GLYR1: variants seen among roughly 807,000 people sequenced by gnomAD.
GLYR1 encodes cytokine-like nuclear factor N-PAC.
A neutral mutation model predicts 72.7 loss-of-function variants in GLYR1; 21 were observed. The ratio of observed to expected loss-of-function variants is 0.29; its 90% CI spans 0.20 to 0.42. The LOEUF is 0.42. Ranked by LOEUF, GLYR1 falls within the 10% of genes least tolerant of loss-of-function variation. GLYR1 has a pLI of 1.00. For synonymous variants in GLYR1, 392 were observed against 270.2 expected (o/e 1.45, Z -4.42); for missense variants, 594 against 712.1 (o/e 0.83, Z 1.89).
At chr16:4,816,813 C>G (rs2083667330) in intron 10 of GLYR1, among the ~76,000 whole-genome samples, 1 of 152,064 alleles carries the variant, frequency 6.6e-6, no homozygotes, top group East Asian at 2.0e-4. Context: ...TGGTGAAACC[C>G]CTTCTCTACT....
chr16:4,826,507 C>A (rs939803652), intron 5 of GLYR1, among the ~76,000 whole-genome samples: 3 of 152,196 alleles, frequency 2.0e-5, no homozygotes, highest in African/African-American at 4.8e-5. Context: ...TGCTGCCATA[C>A]AGTCCAGGTT....
At chr16:4,810,699 TAAAAAAAAAAA>T (rs551202037) in intron 15 of GLYR1, among the ~76,000 whole-genome samples, 6 of 21,814 alleles carry the variant, frequency 2.8e-4, no homozygotes, top group Non-Finnish European at 3.7e-4. Flanking sequence ...CTGTCTCTAC[TAAAAAAAAAAA>T]AAAAAAAAAA....
At chr16:4,844,533 G>A (rs1356561905) in intron 3 of GLYR1, among the ~76,000 whole-genome samples, 2 of 152,246 alleles carry the variant, frequency 1.3e-5, no homozygotes, top group Non-Finnish European at 1.5e-5. Flanking sequence ...CACTTTGGGA[G>A]GCCAAGGCAG....
intron 5 of GLYR1, 146 bp from the exon 6 acceptor site, chr16:4,824,053 C>T (rs1447572040): frequency 1.7e-6 from 1 of 598,542 alleles, no homozygotes; most frequent in African/African-American, 1.9e-5. Flanking sequence ...GCCAGTTCTT[C>T]CCATTAACAC....
chr16:4,813,678 C>T (rs992591533), intron 12 of GLYR1, 59 bp downstream of exon 12: 16 of 1,420,006 alleles, frequency 1.1e-5, no homozygotes, highest in Non-Finnish European at 1.4e-5. Flanking sequence ...TCTTGTAAGC[C>T]TGGGTCTTGG....
At chr16:4,820,653 G>A (rs1006274632) in intron 9 of GLYR1, among the ~76,000 whole-genome samples, 2 of 152,228 alleles carry the variant, frequency 1.3e-5, no homozygotes, top group African/African-American at 4.8e-5. Context: ...AAGATGCACT[G>A]TTTTTAGTCT....
chr16:4,846,966 G>GTATC, intron 1 of GLYR1: 1 of 509,666 alleles, frequency 2.0e-6, no homozygotes, highest in Admixed American at 4.0e-5. Context: ...GGGGCCGCCA[G>GTATC]TATCTGGGCC....
In GLYR1 at chr16:4,805,154, T is replaced by C; in HGVS notation, c.*82A>G. The C allele has an allele frequency of 3.4e-6, 4 of 1,162,156 alleles. No individual in the cohort carries two copies. In the South Asian group the frequency reaches 3.8e-5, roughly 11 times the overall value. The allele number at this position is 1,162,156 out of a possible 1,614,324, so 72.0% of individuals were successfully genotyped here. A position where few individuals can be genotyped will look rare whatever the true frequency, so the allele number is the denominator to read the frequency against. On this transcript the variant is annotated 3_prime_UTR_variant, in exon 16 of 16. Coordinates refer to ENST00000321919, the MANE Select transcript of GLYR1 (RefSeq NM_032569.4). ...TGGAGATAGGTGGGCTGGTCCAGAA[T>C]GAACTCCCAGGCCCCCGACCCCATG...
At chr16:4,842,005 GC>G (rs2085588853) in intron 3 of GLYR1, among the ~76,000 whole-genome samples, 1 of 152,144 alleles carries the variant, frequency 6.6e-6, no homozygotes, top group Non-Finnish European at 1.5e-5. Context: ...ACTTTGGGAG[GC>G]CGAGGCGGGC....
intron 4 of GLYR1, 72 bp downstream of exon 4, chr16:4,832,702 A>C (rs1410833893): frequency 1.2e-5 from 18 of 1,492,320 alleles, no homozygotes; most frequent in Non-Finnish European, 1.5e-5. Flanking sequence ...TTTGGGTGAC[A>C]TTTAATCTGT....
chr16:4,814,631 T>G lies in GLYR1; in HGVS notation c.923A>C (p.Gln308Pro). ...GGTTCTTCCCAGACGGGCCCCCTCC[T>G]GGATGAACAAATCACACTGCAAAAG... ...RTAEKCDLFI[Q>P]EGARLGRTPA... Residue 308 changes from glutamine (Q) to proline (P), a missense_variant, in exon 11 of 16, where the codon CAG becomes CCG. Gln to Pro is a moderately conservative substitution (Grantham distance 76). Transcript: ENST00000321919. 1 of 1,613,874 alleles carries G rather than the reference T, an allele frequency of 6.2e-7. No homozygotes were observed. Among genetic ancestry groups the G allele is most frequent in the Non-Finnish European group, 8.5e-7 (1 of 1,179,772 alleles).
chr16:4,825,236 A>G (rs1258719737), intron 5 of GLYR1, among the ~76,000 whole-genome samples: 1 of 152,094 alleles, frequency 6.6e-6, no homozygotes, highest in African/African-American at 2.4e-5. Context: ...GTCTACAGGG[A>G]GGGTCTTGCA....
rs538466642 is a variant in GLYR1 at position 4,805,045 on chromosome 16, T to C, written c.*191A>G. ...TCCCACACGCCAATCCTGCTGACAC[T>C]TGTCCCCTCCCCACCGGCCTCAGGG... On this transcript the variant is annotated 3_prime_UTR_variant, in exon 16 of 16. Transcript: ENST00000321919. 6.7e-4 allele frequency: 406 copies of C among 604,774 alleles called. 3 individuals carry two copies. In the African/African-American group the frequency reaches 6.7e-3, roughly 10 times the overall value. 37.5% of individuals were successfully genotyped at this position (604,774 alleles called of 1,614,324 possible).
intron 5 of GLYR1, among the ~76,000 whole-genome samples, chr16:4,824,341 C>A (rs1254635744): frequency 1.3e-5 from 2 of 151,610 alleles, no homozygotes. Flanking sequence ...GGTGAAACCC[C>A]GTCTCTACTA....
At chr16:4,822,379 G>A (rs1334301308) in intron 7 of GLYR1, among the ~76,000 whole-genome samples, 2 of 152,094 alleles carry the variant, frequency 1.3e-5, no homozygotes, top group Non-Finnish European at 2.9e-5. Context: ...GAGCCACCAT[G>A]CCCGGCCTTT....
intron 5 of GLYR1, among the ~76,000 whole-genome samples, chr16:4,825,925 T>A (rs1332804827): frequency 6.6e-6 from 1 of 152,230 alleles, no homozygotes; most frequent in Non-Finnish European, 1.5e-5. Flanking sequence ...GTGCTGGGAT[T>A]ACAGGCGTGA....
chr16:4,818,855 C>A (rs1273425825), intron 9 of GLYR1, among the ~76,000 whole-genome samples: 1 of 152,168 alleles, frequency 6.6e-6, no homozygotes, highest in African/African-American at 2.4e-5. Context: ...TGCCTTCCCC[C>A]AAACCTCTCA....
Position 4,841,457 on chromosome 16 carries a change from C to CAAAAAAAAA in GLYR1, c.155+3608_155+3616dup, listed in dbSNP as rs1160441336. Among the ~76,000 whole-genome samples, 81 of 31,936 alleles carry CAAAAAAAAA rather than the reference C, an allele frequency of 2.5e-3. 3 individuals are homozygous for CAAAAAAAAA. Among genetic ancestry groups the CAAAAAAAAA allele is most frequent in the African/African-American group, 5.9e-3 (54 of 9,114 alleles). The allele number at this position is 31,936 out of a possible 152,430, so 21.0% of individuals were successfully genotyped here. A position where few individuals can be genotyped will look rare whatever the true frequency, so the allele number is the denominator to read the frequency against. On this transcript the variant is annotated intron_variant, in intron 3 of 15. Transcript: ENST00000321919. ...GAAACATGGCGAGAACTTGTCTCTA[C>CAAAAAAAAA]AAAAAAAAAAAAAAAAAAAAAAAAA...
intron 12 of GLYR1, among the ~76,000 whole-genome samples, chr16:4,812,584 G>A (rs375259341): frequency 1.4e-5 from 2 of 145,058 alleles, no homozygotes; most frequent in Non-Finnish European, 3.0e-5. Flanking sequence ...GCTCCGCCTC[G>A]CGGGTTCATG....
Sources: gnomAD v4.1 joint callset for allele counts (sites outside exome capture counted in the v4.1 genomes callset) on GRCh38, gnomAD v4.1.1 for gene constraint, MANE v1.5 for transcripts, NCBI Gene and HGNC (gene_info 2026-07-23, HGNC 2026-07-21) for gene names.